ABL1: variants seen among roughly 807,000 people sequenced by gnomAD.
The protein encoded by ABL1 is ABL proto-oncogene 1, non-receptor tyrosine kinase, also known as tyrosine-protein kinase ABL1.
ABL1 carries 11 observed loss-of-function variants against 94.7 expected under a neutral mutation model. The ratio of observed to expected loss-of-function variants is 0.12; its 90% CI spans 0.07 to 0.19. ABL1 has a LOEUF of 0.19. Ranked by LOEUF, ABL1 falls within the 10% of genes least tolerant of loss-of-function variation. The pLI is 1.00. For synonymous variants in ABL1, 656 were observed against 622.4 expected, an observed-to-expected ratio of 1.05 and a Z score of -0.80; for missense variants, 1,082 against 1,489.4, an observed-to-expected ratio of 0.73 and a Z score of 4.50.
chr9:130,787,113 G>T (rs1829837366), intron 1 of ABL1, among the ~76,000 whole-genome samples: 1 of 152,144 alleles, frequency 6.6e-6, no homozygotes. Flanking sequence ...GATCACGCTT[G>T]CATAATACAC....
chr9:130,862,813 T>C lies in ABL1; in HGVS notation c.600T>C (p.His200=). The part of the protein sequence containing the change: ...SRFNTLAELV[H]HHSTVADGLI... ...TCAACACCCTGGCCGAGTTGGTTCA[T>C]CATCATTCAACGGTGGCCGACGGGC... Residue 200 remains histidine, a synonymous_variant, in exon 4 of 11, where the codon CAT becomes CAC. Transcript: ENST00000318560. This position sits in a 1 kb window ranked among gnomAD's most constrained non-coding sequence, Gnocchi z 5.5. The C allele has an allele frequency of 6.2e-7, 1 of 1,613,926 alleles. No homozygotes were observed. The highest frequency in any genetic ancestry group is 8.5e-7 in the Non-Finnish European group (1 of 1,180,002).
Position 130,718,134 on chromosome 9 carries a change from G to A in ABL1, c.136+3679G>A, listed in dbSNP as rs533752970. On this transcript the variant is annotated intron_variant, in intron 1 of 10. Transcript: ENST00000372348. ...GTAGTTCGAAACTGGCCTGGCCAACGTGATGAAACCCCGTCTGTACTAAAA... is the reference window on the plus strand; with the variant it reads ...GTAGTTCGAAACTGGCCTGGCCAACATGATGAAACCCCGTCTGTACTAAAA... Among the ~76,000 whole-genome samples the A allele has an allele frequency of 3.6e-4, 55 of 151,746 alleles. 1 individual carries two copies. Among genetic ancestry groups the A allele is most frequent in the Middle Eastern group, 6.8e-3 (2 of 294 alleles).
chr9:130,868,117 G>A (rs1187238205), intron 4 of ABL1, among the ~76,000 whole-genome samples: 1 of 151,752 alleles, frequency 6.6e-6, no homozygotes, highest in Non-Finnish European at 1.5e-5. Flanking sequence ...CTGCGACCAC[G>A]CCGGCTAATT....
intron 4 of ABL1, among the ~76,000 whole-genome samples, chr9:130,869,944 C>A (rs574907925): frequency 6.6e-6 from 1 of 152,296 alleles, no homozygotes; most frequent in South Asian, 2.1e-4. Context: ...CCTGCCTCAG[C>A]CTCCTGAGTA....
At chr9:130,849,528 GT>G (rs113100372) in intron 1 of ABL1, among the ~76,000 whole-genome samples, 10,569 of 150,926 alleles carry the variant, frequency 0.07, 1,240 homozygotes, top group African/African-American at 0.24. Context: ...AATTTTTTTT[GT>G]TTTTTTTTGA....
intron 1 of ABL1, among the ~76,000 whole-genome samples, chr9:130,852,005 C>T (rs1203390890): frequency 6.6e-6 from 1 of 152,008 alleles, no homozygotes; most frequent in Admixed American, 6.6e-5. Flanking sequence ...TCTCGAACTC[C>T]TGACCTCAGG....
intron 1 of ABL1, among the ~76,000 whole-genome samples, chr9:130,786,804 A>C (rs1303697394): frequency 6.6e-6 from 1 of 152,238 alleles, no homozygotes; most frequent in Non-Finnish European, 1.5e-5. Flanking sequence ...CTTTGCAATT[A>C]GTTATTCACT....
At position 130,877,808 on chromosome 9, in the gene ABL1, A is replaced by ATT. The variant is rs34577725; in HGVS notation, c.1271-592_1271-591dup. Among the ~76,000 whole-genome samples, 7 of 129,348 alleles carry ATT rather than the reference A, an allele frequency of 5.4e-5. 1 individual carries two copies. The highest frequency in any genetic ancestry group is 2.2e-4 in the African/African-American group (7 of 31,972). The allele number at this position is 129,348 out of a possible 152,430, so 84.9% of individuals were successfully genotyped here. A position where few individuals can be genotyped will look rare whatever the true frequency, so the allele number is the denominator to read the frequency against. ...GGCGTACACCACCACACCTGGCTAAATTTTTTTTTTTTTTTTGAGATGGAG... is the reference window on the plus strand; with the variant it reads ...GGCGTACACCACCACACCTGGCTAAATTTTTTTTTTTTTTTTTTGAGATGGAG... On this transcript the variant is annotated intron_variant, in intron 7 of 10. Coordinates refer to ENST00000318560, the MANE Select transcript of ABL1 (RefSeq NM_005157.6).
At chr9:130,787,998 A>AGTGAT (rs61126641) in intron 1 of ABL1, among the ~76,000 whole-genome samples, 38,492 of 151,856 alleles carry the variant, frequency 0.25, 6,596 homozygotes, top group African/African-American at 0.5. Context: ...TTGGGTTGAA[A>AGTGAT]GTTCTCTTAT....
At position 130,884,641 on chromosome 9, in the gene ABL1, C is replaced by T. The variant is rs1355021408; in HGVS notation, c.2351C>T (p.Pro784Leu). The change falls in exon 11 of 11, where the codon CCC (proline) becomes CTC (leucine). Residue 784 changes from proline (P) to leucine (L), a missense_variant. This residue lies in a region of ABL1 where 780 missense variants were observed against 835.8 expected (regional missense o/e 0.93). Transcript: ENST00000318560. The surrounding 1 kb of genome is among the most constrained non-coding windows in gnomAD (Gnocchi z 5.6). ...QVTRGTVTPP[P>L]RLVKKNEEAA... Reference sequence around the variant, plus strand: ...ACCCGAGGCACAGTAACGCCTCCCCCCAGGCTGGTGAAAAAGAATGAGGAA... The same window carrying T: ...ACCCGAGGCACAGTAACGCCTCCCCTCAGGCTGGTGAAAAAGAATGAGGAA... The T allele has an allele frequency of 6.2e-7, 1 of 1,613,256 alleles. No individual in the cohort carries two copies. Among genetic ancestry groups the T allele is most frequent in the African/African-American group, 1.3e-5 (1 of 75,040 alleles).
Position 130,854,161 on chromosome 9 carries a change from T to C in ABL1, c.177T>C (p.Ser59=), listed in dbSNP as rs771770653. 57 of 1,614,004 alleles carry C rather than the reference T, an allele frequency of 3.5e-5. No individual in the cohort carries two copies. In the Middle Eastern group the frequency reaches 6.6e-4, roughly 19 times the overall value. The change falls in exon 2 of 11, where the codon AGT becomes AGC. Residue 59 remains serine (S), a synonymous_variant. Transcript: ENST00000318560. ...NSKENLLAGP[S]ENDPNLFVAL... ...AGGAAAACCTTCTCGCTGGACCCAG[T>C]GAAAATGACCCCAACCTTTTCGTTG...
rs189086711 is a variant in ABL1, at chr9:130,853,993, G to C, written c.80-71G>C. 7.3e-6 allele frequency: 11 copies of C among 1,503,180 alleles called. No individual in the cohort carries two copies. In the East Asian group the frequency reaches 2.5e-4, roughly 34 times the overall value. 93.1% of individuals were successfully genotyped at this position (1,503,180 alleles called of 1,614,324 possible). ...GAAACACAAATATTTTTGCTTCTGA[G>C]AATAAAACTAATTTTTTCTCCCAAT... is the stretch of plus-strand genomic sequence containing the variant. On this transcript the variant is annotated intron_variant, in intron 1 of 10. Transcript: ENST00000318560.
At chr9:130,714,553 C>A in intron 1 of ABL1, 1 of 1,462,620 alleles carries the variant, frequency 6.8e-7, no homozygotes, top group Non-Finnish European at 9.6e-7. Flanking sequence ...CAGTTCCTTC[C>A]AATTCCACTT....
chr9:130,728,876 T>A (rs1831626173), intron 1 of ABL1, among the ~76,000 whole-genome samples: 1 of 152,192 alleles, frequency 6.6e-6, no homozygotes, highest in African/African-American at 2.4e-5. Context: ...TGAGTCAGAT[T>A]TTCCTGCATT....
At chr9:130,758,191 C>T (rs1300706101) in intron 1 of ABL1, among the ~76,000 whole-genome samples, 4 of 150,258 alleles carry the variant, frequency 2.7e-5, no homozygotes, top group South Asian at 2.1e-4. Flanking sequence ...GACAGAGTCT[C>T]GCTCTGTCAC....
intron 8 of ABL1, among the ~76,000 whole-genome samples, chr9:130,879,120 G>C (rs1831405261): frequency 6.6e-6 from 1 of 152,018 alleles, no homozygotes; most frequent in African/African-American, 2.4e-5. Context: ...CAGGTGATCT[G>C]CCTGCCTCGG....
intron 7 of ABL1, among the ~76,000 whole-genome samples, chr9:130,876,947 C>T (rs1831356410): frequency 6.8e-6 from 1 of 146,650 alleles, no homozygotes; most frequent in South Asian, 2.1e-4. Flanking sequence ...CTGCGTTAGC[C>T]AGGATGGTCT....
Position 130,734,791 on chromosome 9 carries a change from C to T in ABL1, c.136+20336C>T, listed in dbSNP as rs931195853. 2.7e-5 allele frequency among the ~76,000 whole-genome samples: 4 copies of T among 150,412 alleles called. No individual in the cohort carries two copies. The East Asian group carries it at 6.0e-4, about 22-fold the overall frequency. On this transcript the variant is annotated intron_variant, in intron 1 of 10. Coordinates refer to the ABL1 transcript ENST00000372348. Reference sequence around the variant, plus strand: ...CCCGCCTCAGCCTCCCAAAGCGGTGCAATTACAAGTGTGAGCCACTGCGCC... The same window carrying T: ...CCCGCCTCAGCCTCCCAAAGCGGTGTAATTACAAGTGTGAGCCACTGCGCC...
chr9:130,749,626 C>G (rs1053184099), intron 1 of ABL1, among the ~76,000 whole-genome samples: 3 of 152,170 alleles, frequency 2.0e-5, no homozygotes, highest in Admixed American at 1.3e-4. Context: ...AGTCACTTAG[C>G]TGATGAGGTA....
Sources: allele counts gnomAD v4.1 joint callset (sites outside exome capture counted in the v4.1 genomes callset), GRCh38; gene constraint gnomAD v4.1.1; regional missense constraint gnomAD v4.1.1; non-coding constraint Gnocchi (gnomAD v3.1); transcripts MANE v1.5; gene names NCBI Gene and HGNC (gene_info 2026-07-23, HGNC 2026-07-21).